DGKB: variants seen among roughly 807,000 people sequenced by gnomAD.
DGKB encodes diacylglycerol kinase beta.
In DGKB, 67 loss-of-function variants were observed where a neutral mutation model predicts 114.3. That is an observed-to-expected ratio of 0.59 (90% CI 0.48 to 0.72). The LOEUF (loss-of-function observed/expected upper bound fraction) is 0.72. Among genes scored for constraint, DGKB ranks in the 30% least tolerant of loss-of-function variants. The probability of loss-of-function intolerance (pLI) is 0.00; values close to 1 mark genes in which losing one functional copy is unlikely to be tolerated. For missense variants in DGKB, 907 were observed against 975.2 expected, an observed-to-expected ratio of 0.93 and a Z score of 0.93; for synonymous variants, 398 against 323.1, an observed-to-expected ratio of 1.23 and a Z score of -2.49.
intron 6 of DGKB, among the ~76,000 whole-genome samples, chr7:14,714,056 A>G (rs935200208): frequency 2.7e-5 from 4 of 146,488 alleles, no homozygotes; most frequent in Admixed American, 2.1e-4. Context: ...ACTATCATTT[A>G]TTGAGCATAT....
At chr7:14,256,518 C>A (rs1795996027) in intron 23 of DGKB, among the ~76,000 whole-genome samples, 1 of 151,548 alleles carries the variant, frequency 6.6e-6, no homozygotes, top group South Asian at 2.1e-4. Flanking sequence ...TGTATGAATA[C>A]TTGAAGTGCT....
intron 13 of DGKB, among the ~76,000 whole-genome samples, chr7:14,654,889 T>C (rs889550669): frequency 4.6e-5 from 7 of 151,950 alleles, no homozygotes; most frequent in Middle Eastern, 6.8e-3. Context: ...CAAAATATAT[T>C]AACAACTTAA....
intron 2 of DGKB, among the ~76,000 whole-genome samples, chr7:14,787,927 A>C (rs534524947): frequency 1.4e-4 from 21 of 149,408 alleles, no homozygotes; most frequent in African/African-American, 4.7e-4. Context: ...CTCTCACCCA[A>C]GATCCACCAC....
At chr7:14,256,188 T>A (rs1247035820) in intron 23 of DGKB, among the ~76,000 whole-genome samples, 1 of 152,212 alleles carries the variant, frequency 6.6e-6, no homozygotes, top group Non-Finnish European at 1.5e-5. Flanking sequence ...TCTCATATTA[T>A]CTTCCTCTTC....
intron 1 of DGKB, among the ~76,000 whole-genome samples, chr7:14,930,825 T>C (rs1331282098): frequency 6.6e-6 from 1 of 152,166 alleles, no homozygotes; most frequent in African/African-American, 2.4e-5. Context: ...CTGTTCAGTA[T>C]GATGTTGGTT....
At chr7:14,878,295 T>C (rs1487515621) in intron 1 of DGKB, among the ~76,000 whole-genome samples, 2 of 152,216 alleles carry the variant, frequency 1.3e-5, no homozygotes, top group African/African-American at 4.8e-5. Flanking sequence ...ACTGACGGCT[T>C]TATCTTTCTC....
intron 21 of DGKB, among the ~76,000 whole-genome samples, chr7:14,451,187 G>T (rs1831427556): frequency 6.6e-6 from 1 of 152,064 alleles, no homozygotes; most frequent in African/African-American, 2.4e-5. Context: ...GTGTGTGCCT[G>T]TGAAGGTGTC....
At chr7:14,580,816 G>T (rs745524762) in intron 19 of DGKB, 46 bp downstream of exon 19, 2 of 1,310,772 alleles carry the variant, frequency 1.5e-6, no homozygotes, top group African/African-American at 1.5e-5. Flanking sequence ...GCAAGGGAAA[G>T]GGGTGTTGTG....
intron 1 of DGKB, among the ~76,000 whole-genome samples, chr7:14,923,181 T>C (rs1449146020): frequency 2.0e-5 from 3 of 152,300 alleles, no homozygotes; most frequent in Non-Finnish European, 4.4e-5. Flanking sequence ...TAGAAGGCAA[T>C]TTATATTTTC....
At chr7:14,445,023 G>A (rs181945870) in intron 21 of DGKB, among the ~76,000 whole-genome samples, 18 of 151,896 alleles carry the variant, frequency 1.2e-4, no homozygotes, top group Admixed American at 2.6e-4. Context: ...TAGAAATATG[G>A]CATTAATTCT....
chr7:14,352,681 T>C (rs544685219), intron 21 of DGKB, among the ~76,000 whole-genome samples: 1 of 152,242 alleles, frequency 6.6e-6, no homozygotes, highest in African/African-American at 2.4e-5. Flanking sequence ...TCCCAGCACT[T>C]TGGGAGGCAG....
chr7:14,853,653 G>A (rs551635080), intron 1 of DGKB, among the ~76,000 whole-genome samples: 212 of 151,682 alleles, frequency 1.4e-3, no homozygotes, highest in Middle Eastern at 6.8e-3. Context: ...TCAGGACATC[G>A]AGACCATCCT....
At chr7:14,512,889 A>G (rs905330260) in intron 20 of DGKB, among the ~76,000 whole-genome samples, 2 of 152,106 alleles carry the variant, frequency 1.3e-5, no homozygotes. Flanking sequence ...TTGCTTTATG[A>G]TCATTCATTT....
At chr7:14,280,353 G>C (rs1420610755) in intron 23 of DGKB, among the ~76,000 whole-genome samples, 1 of 152,054 alleles carries the variant, frequency 6.6e-6, no homozygotes, top group Non-Finnish European at 1.5e-5. Flanking sequence ...AGAAATATGG[G>C]ACTATGTGAA....
At chr7:14,201,724 T>G (rs1255963429) in intron 23 of DGKB, among the ~76,000 whole-genome samples, 1 of 151,996 alleles carries the variant, frequency 6.6e-6, no homozygotes, top group Non-Finnish European at 1.5e-5. Context: ...GAGCTCTCTA[T>G]AGAGAGGACG....
intron 5 of DGKB, among the ~76,000 whole-genome samples, chr7:14,723,717 T>G (rs1287882003): frequency 6.6e-6 from 1 of 152,208 alleles, no homozygotes; most frequent in Non-Finnish European, 1.5e-5. Context: ...CATTTATTTC[T>G]GTTAAAATAA....
intron 15 of DGKB, among the ~76,000 whole-genome samples, chr7:14,617,733 C>G (rs1410120344): frequency 6.6e-6 from 1 of 151,644 alleles, no homozygotes; most frequent in Non-Finnish European, 1.5e-5. Flanking sequence ...GCCCACCCTA[C>G]TCCAACTACA....
intron 1 of DGKB, among the ~76,000 whole-genome samples, chr7:14,899,812 C>A (rs1782703777): frequency 6.6e-6 from 1 of 152,108 alleles, no homozygotes; most frequent in Admixed American, 6.6e-5. Context: ...ACGGCATCCA[C>A]AAAATAATAT....
Position 14,515,612 on chromosome 7 carries a change from A to G in DGKB, c.1771-37387T>C, listed in dbSNP as rs62443496. Among the ~76,000 whole-genome samples the G allele has an allele frequency of 5.4e-3, 820 of 152,360 alleles. 5 individuals are homozygous for G. Among genetic ancestry groups the G allele is most frequent in the Middle Eastern group, 0.017 (5 of 294 alleles). ...ATAAATCAAGGAAAAGAAAAAATCA[A>G]TAAATTTCACATTTTAAGTGTTCAA... On this transcript the variant is annotated intron_variant, in intron 20 of 25. Coordinates refer to ENST00000402815, the MANE Select transcript of DGKB (RefSeq NM_001350709.2).
Sources: gnomAD v4.1 joint callset for allele counts (sites outside exome capture counted in the v4.1 genomes callset) on GRCh38, gnomAD v4.1.1 for gene constraint, MANE v1.5 for transcripts, NCBI Gene and HGNC (gene_info 2026-07-23, HGNC 2026-07-21) for gene names.